The following THSD7B variants were observed in gnomAD, a reference collection of about 807,000 sequenced individuals.
The protein encoded by THSD7B is thrombospondin type-1 domain-containing protein 7B.
THSD7B carries 138 observed loss-of-function variants against 213.6 expected under a neutral mutation model. That is an observed-to-expected ratio of 0.65 (90% CI 0.56 to 0.74). THSD7B has a LOEUF of 0.74. THSD7B is among the 30% of genes least tolerant of loss of function. THSD7B has a pLI of 0.00. For synonymous variants in THSD7B, 742 were observed against 687.0 expected, an observed-to-expected ratio of 1.08 and a Z score of -1.25; for missense variants, 1,931 against 1,991.5, an observed-to-expected ratio of 0.97 and a Z score of 0.58.
At chr2:136,931,230 G>A (rs1045212101) in intron 2 of THSD7B, among the ~76,000 whole-genome samples, 10 of 152,124 alleles carry the variant, frequency 6.6e-5, no homozygotes, top group Admixed American at 3.9e-4. Flanking sequence ...ATACATGTGT[G>A]TATGTGCAGC....
chr2:137,281,832 A>T (rs1479816858), intron 12 of THSD7B, among the ~76,000 whole-genome samples: 33 of 152,108 alleles, frequency 2.2e-4, no homozygotes, highest in African/African-American at 4.6e-4. Flanking sequence ...GTTCCAAGTC[A>T]TTGCTATTGT....
chr2:137,538,552 GA>G, intron 15 of THSD7B: 1 of 504,046 alleles, frequency 2.0e-6, no homozygotes, highest in Admixed American at 2.1e-5. Flanking sequence ...AAGAAGCTTT[GA>G]TGTTTTCCTT....
At chr2:137,035,241 C>A (rs576987664) in intron 2 of THSD7B, among the ~76,000 whole-genome samples, 3 of 152,274 alleles carry the variant, frequency 2.0e-5, no homozygotes, top group Admixed American at 2.0e-4. Flanking sequence ...AGCCATTTAA[C>A]CATACCCATC....
intron 12 of THSD7B, among the ~76,000 whole-genome samples, chr2:137,331,930 C>T (rs111461893): frequency 0.049 from 7,385 of 152,198 alleles, 554 homozygotes; most frequent in African/African-American, 0.16. Context: ...CACGCCCACC[C>T]GGAATTCCAG....
intron 15 of THSD7B, among the ~76,000 whole-genome samples, chr2:137,486,730 C>T (rs1688455208): frequency 6.6e-6 from 1 of 152,136 alleles, no homozygotes; most frequent in Admixed American, 6.5e-5. Flanking sequence ...CAAAATTGAT[C>T]ACATAGTTGG....
rs138888278 is a variant in THSD7B, at chr2:136,838,626, C to G, written c.-35-43518C>G. ...GCTTTTCTATGTTCCTCTGCCTTCC[C>G]CATCCTCCCTTTCAAAATGAGGTTA... On this transcript the variant is annotated intron_variant, in intron 1 of 27. Transcript: ENST00000409968. Among the ~76,000 whole-genome samples, 1,055 of 152,190 alleles carry G rather than the reference C, an allele frequency of 6.9e-3. 20 individuals carry two copies. Among genetic ancestry groups the G allele is most frequent in the African/African-American group, 0.024 (993 of 41,506 alleles).
At chr2:136,828,007 C>A (rs1337082666) in intron 1 of THSD7B, among the ~76,000 whole-genome samples, 4 of 151,828 alleles carry the variant, frequency 2.6e-5, no homozygotes, top group African/African-American at 9.7e-5. Flanking sequence ...TGGGATATAA[C>A]CTATGGGCTC....
At chr2:137,200,856 GATGGGGA>G (rs768696018) in intron 7 of THSD7B, among the ~76,000 whole-genome samples, 85,211 of 151,150 alleles carry the variant, frequency 0.56, 24,210 homozygotes, top group South Asian at 0.71. Context: ...ATATTGAAGA[GATGGGGA>G]CTCCTATGTT....
chr2:137,470,754 A>C (rs922447793), intron 15 of THSD7B, among the ~76,000 whole-genome samples: 7 of 152,156 alleles, frequency 4.6e-5, no homozygotes, highest in Admixed American at 2.0e-4. Flanking sequence ...TTCTGCATTA[A>C]AATTTGGATT....
At position 137,583,181 on chromosome 2, in the gene THSD7B, T is replaced by C. The variant is rs186770060; in HGVS notation, c.3423+10625T>C. 5.7e-3 allele frequency among the ~76,000 whole-genome samples: 869 copies of C among 152,314 alleles called. 9 individuals are homozygous for C. The highest frequency in any genetic ancestry group is 0.02 in the African/African-American group (830 of 41,572). ...TTCATATCCTTTGCCCACTTTTTGA[T>C]GGGCTTGTTTTTTTTCTTGTAAATT... On this transcript the variant is annotated intron_variant, in intron 17 of 27. Transcript: ENST00000409968.
At chr2:136,907,928 G>A (rs959024486) in intron 2 of THSD7B, among the ~76,000 whole-genome samples, 1 of 152,192 alleles carries the variant, frequency 6.6e-6, no homozygotes, top group Non-Finnish European at 1.5e-5. Flanking sequence ...GACACTAATA[G>A]AGGAAATTTG....
At chr2:137,019,252 T>C (rs930811641) in intron 2 of THSD7B, among the ~76,000 whole-genome samples, 1 of 152,208 alleles carries the variant, frequency 6.6e-6, no homozygotes. Flanking sequence ...TTTTCTGTAA[T>C]TGTTGGTTTA....
At chr2:137,261,638 A>G (rs1427519451) in intron 10 of THSD7B, among the ~76,000 whole-genome samples, 1 of 152,182 alleles carries the variant, frequency 6.6e-6, no homozygotes, top group Non-Finnish European at 1.5e-5. Context: ...AGAAGTAGTG[A>G]CAGCAATACA....
chr2:137,593,288 G>C (rs1220968874), intron 17 of THSD7B, among the ~76,000 whole-genome samples: 1 of 151,954 alleles, frequency 6.6e-6, no homozygotes, highest in South Asian at 2.1e-4. Flanking sequence ...ACATATTTAG[G>C]AGTAGAATAG....
Position 137,605,059 on chromosome 2 carries a change from A to G in THSD7B, c.3424-11116A>G, listed in dbSNP as rs1682146102. ...AAATTAGCTAATAAGCATAAATTCTATAGAGAGCATCTTCTCACCTCCCAG... is the reference window on the plus strand; with the variant it reads ...AAATTAGCTAATAAGCATAAATTCTGTAGAGAGCATCTTCTCACCTCCCAG... On this transcript the variant is annotated intron_variant, in intron 17 of 27. Transcript: ENST00000409968. Among the ~76,000 whole-genome samples, 4 of 152,326 alleles carry G rather than the reference A, an allele frequency of 2.6e-5. No individual in the cohort carries two copies. The South Asian group carries it at 8.3e-4, about 32-fold the overall frequency.
At chr2:137,370,453 C>A (rs915396566) in intron 12 of THSD7B, among the ~76,000 whole-genome samples, 4 of 152,154 alleles carry the variant, frequency 2.6e-5, no homozygotes, top group South Asian at 4.2e-4. Flanking sequence ...TCTTTTGCTT[C>A]CCCACTCTGA....
intron 14 of THSD7B, among the ~76,000 whole-genome samples, chr2:137,425,716 C>T (rs1309406102): frequency 1.3e-5 from 2 of 152,268 alleles, no homozygotes; most frequent in East Asian, 3.9e-4. Context: ...ATATCACAAG[C>T]CCACAGCTAA....
intron 3 of THSD7B, among the ~76,000 whole-genome samples, chr2:137,084,836 T>C (rs1425118801): frequency 6.6e-6 from 1 of 152,208 alleles, no homozygotes; most frequent in African/African-American, 2.4e-5. Context: ...CCAGGTTTAT[T>C]TGTTACCACA....
intron 5 of THSD7B, among the ~76,000 whole-genome samples, chr2:137,127,884 C>T (rs1000759972): frequency 3.3e-5 from 5 of 152,012 alleles, no homozygotes; most frequent in Admixed American, 2.6e-4. Flanking sequence ...TGCCACTGCA[C>T]TCCAGCCTGG....
Sources: allele counts gnomAD v4.1 joint callset (sites outside exome capture counted in the v4.1 genomes callset), GRCh38; gene constraint gnomAD v4.1.1; transcripts MANE v1.5; gene names NCBI Gene and HGNC (gene_info 2026-07-23, HGNC 2026-07-21).